Variants in DST observed in about 807,000 individuals in gnomAD.
DST encodes the protein dystonin.
A neutral mutation model predicts 875.2 loss-of-function variants in DST; 253 were observed. The observed-to-expected ratio is 0.29, with a 90% confidence interval of 0.26 to 0.32. The LOEUF is 0.32. DST is among the 10% of genes least tolerant of loss of function. DST has a pLI of 1.00. For missense variants in DST, 8,287 were observed against 9,111.6 expected (o/e 0.91, Z 3.68); for synonymous variants, 3,124 against 3,197.1 (o/e 0.98, Z 0.77).
At chr6:56,524,161 T>C (rs1017572685) in intron 69 of DST, among the ~76,000 whole-genome samples, 1 of 152,180 alleles carries the variant, frequency 6.6e-6, no homozygotes, top group African/African-American at 2.4e-5. Context: ...ATAAAATATT[T>C]CAGGGATATA....
At chr6:56,584,487 T>C (rs1317748965) in intron 49 of DST, among the ~76,000 whole-genome samples, 4 of 149,932 alleles carry the variant, frequency 2.7e-5, no homozygotes, top group Non-Finnish European at 2.9e-5. Context: ...CTTAAGGAGA[T>C]TTGGGGCTGA....
chr6:56,868,270 T>C (rs1328564708), intron 3 of DST, among the ~76,000 whole-genome samples: 2 of 152,244 alleles, frequency 1.3e-5, no homozygotes, highest in Non-Finnish European at 2.9e-5. Flanking sequence ...ATCGTGGTTC[T>C]GATAGTTCAG....
chr6:56,691,754 G>C (rs2099231583), intron 9 of DST, among the ~76,000 whole-genome samples: 1 of 152,118 alleles, frequency 6.6e-6, no homozygotes, highest in South Asian at 2.1e-4. Flanking sequence ...AGTAGTCTGT[G>C]TCATTTTCAA....
chr6:56,672,357 T>C lies in DST; in HGVS notation c.1048-1550A>G, dbSNP rs116563204. Among the ~76,000 whole-genome samples, 1,184 of 152,288 alleles carry C rather than the reference T, an allele frequency of 7.8e-3. 13 individuals carry two copies. The highest frequency in any genetic ancestry group is 0.027 in the African/African-American group (1,140 of 41,542). On this transcript the variant is annotated intron_variant, in intron 9 of 103. Transcript: ENST00000680361. ...AGTCTGAGACACTCTGCTTGACAAATGGTCAGGATTTAAAAGCGGAACAAA... is the reference window on the plus strand; with the variant it reads ...AGTCTGAGACACTCTGCTTGACAAACGGTCAGGATTTAAAAGCGGAACAAA...
At chr6:56,493,737 GAGT>G (rs1436921344) in intron 83 of DST, among the ~76,000 whole-genome samples, 2 of 151,898 alleles carry the variant, frequency 1.3e-5, no homozygotes, top group Non-Finnish European at 2.9e-5. Flanking sequence ...CCCAGAATTT[GAGT>G]AGTTCTTAAC....
intron 82 of DST, among the ~76,000 whole-genome samples, chr6:56,496,811 A>G (rs2095924917): frequency 6.6e-6 from 1 of 152,172 alleles, no homozygotes; most frequent in South Asian, 2.1e-4. Context: ...TGGCACATAT[A>G]CACCATGGAA....
chr6:56,647,761 C>T (rs1466254765), intron 13 of DST, among the ~76,000 whole-genome samples: 1 of 151,070 alleles, frequency 6.6e-6, no homozygotes, highest in African/African-American at 2.4e-5. Flanking sequence ...TCTCGGCTTA[C>T]TGCAACCTCC....
chr6:56,615,130 C>T (rs1433116894), intron 36 of DST: 4 of 1,060,324 alleles, frequency 3.8e-6, no homozygotes, highest in African/African-American at 3.4e-5. Flanking sequence ...CATGGTGCTT[C>T]ATGACGTGCT....
intron 2 of DST, among the ~76,000 whole-genome samples, chr6:56,921,144 G>C (rs1055884800): frequency 6.6e-6 from 1 of 151,996 alleles, no homozygotes; most frequent in Admixed American, 6.6e-5. Flanking sequence ...GGAACAGAAA[G>C]AGCGTTTCAA....
chr6:56,807,464 A>T (rs1460045750), intron 4 of DST, among the ~76,000 whole-genome samples: 3 of 152,212 alleles, frequency 2.0e-5, no homozygotes, highest in African/African-American at 7.2e-5. Flanking sequence ...TAAAAGGACA[A>T]ACTGGGACTC....
Position 56,606,861 on chromosome 6 carries a change from G to A in DST, c.7767C>T (p.Asp2589=). 1 of 1,613,284 alleles carries A rather than the reference G, an allele frequency of 6.2e-7. No homozygotes were observed. Among genetic ancestry groups the A allele is most frequent in the South Asian group, 1.1e-5 (1 of 91,068 alleles). The change falls in exon 40 of 104, where the codon GAC becomes GAT. Residue 2589 remains aspartate (D), a synonymous_variant. Transcript: ENST00000680361. Reference sequence around the variant, plus strand: ...GATCATTCAGCAGTGACGTTTCATAGTCACTAGCACTGATGGTTTCATCAA... The same window carrying A: ...GATCATTCAGCAGTGACGTTTCATAATCACTAGCACTGATGGTTTCATCAA... ...PLLDETISAS[D]YETSLLNDQQ...
At position 56,543,924 on chromosome 6, in the gene DST, A is replaced by C. The variant is rs1048866117; in HGVS notation, c.16609-6984T>G. Among the ~76,000 whole-genome samples, 420 of 152,336 alleles carry C rather than the reference A, an allele frequency of 2.8e-3. 1 individual carries two copies. The highest frequency in any genetic ancestry group is 9.3e-3 in the African/African-American group (387 of 41,578). On this transcript the variant is annotated intron_variant, in intron 61 of 103. Coordinates refer to ENST00000680361, the MANE Select transcript of DST (RefSeq NM_001374736.1). ...TCTATCGGTAACTCATCCATTCAAC[A>C]ATTATTAGATTATTAGATGCAACTC...
intron 4 of DST, among the ~76,000 whole-genome samples, chr6:56,761,445 C>T (rs2099616942): frequency 6.6e-6 from 1 of 152,186 alleles, no homozygotes; most frequent in African/African-American, 2.4e-5. Context: ...TAAATGCACA[C>T]CATGTTATGT....
intron 2 of DST, among the ~76,000 whole-genome samples, chr6:56,908,098 T>TATATATATATACACACAC (rs148958146): frequency 1.5e-4 from 23 of 150,498 alleles, no homozygotes; most frequent in African/African-American, 4.9e-4. Flanking sequence ...TATATATATA[T>TATATATATATACACACAC]ACACACACAC....
chr6:56,780,371 A>T (rs1242782700), intron 4 of DST, among the ~76,000 whole-genome samples: 3 of 151,554 alleles, frequency 2.0e-5, no homozygotes, highest in Non-Finnish European at 4.4e-5. Context: ...ATTTCTCCAC[A>T]TCCTCTCCAG....
chr6:56,928,672 A>G (rs1441141309), intron 2 of DST, among the ~76,000 whole-genome samples: 1 of 152,222 alleles, frequency 6.6e-6, no homozygotes, highest in African/African-American at 2.4e-5. Context: ...ATGTTATTAC[A>G]CTTGGAAAAC....
chr6:56,847,956 A>C (rs190470115), intron 4 of DST, among the ~76,000 whole-genome samples: 107 of 152,330 alleles, frequency 7.0e-4, no homozygotes, highest in Non-Finnish European at 1.4e-3. Context: ...ACATGCATAG[A>C]ATGTGTAACG....
intron 4 of DST, among the ~76,000 whole-genome samples, chr6:56,817,667 C>T (rs920777614): frequency 6.6e-5 from 10 of 152,056 alleles, no homozygotes; most frequent in African/African-American, 2.4e-4. Context: ...TAAAGGAAAT[C>T]ATGATGATTT....
intron 61 of DST, among the ~76,000 whole-genome samples, chr6:56,548,338 T>G (rs2152546538): frequency 6.6e-6 from 1 of 152,322 alleles, no homozygotes. Flanking sequence ...AAGGTACAGA[T>G]TTAGCTAGGA....
Sources: allele counts gnomAD v4.1 joint callset (sites outside exome capture counted in the v4.1 genomes callset), GRCh38; gene constraint gnomAD v4.1.1; transcripts MANE v1.5; gene names NCBI Gene and HGNC (gene_info 2026-07-23, HGNC 2026-07-21).